RBM19: variants seen among roughly 807,000 people sequenced by gnomAD.
RBM19 encodes RNA binding motif protein 19, also known as probable RNA-binding protein 19.
Under a neutral mutation model 116.8 loss-of-function variants are expected in RBM19, and 94 were observed. The observed-to-expected ratio is 0.80, with a 90% CI of 0.68 to 0.95. The LOEUF is 0.95. Ranked by LOEUF, RBM19 falls within the 40% of genes least tolerant of loss-of-function variation. The pLI is 0.00. For missense variants in RBM19, 1,161 were observed against 1,220.7 expected (o/e 0.95, Z 0.73); for synonymous variants, 475 against 494.1 (o/e 0.96, Z 0.51).
intron 6 of RBM19, 145 bp downstream of exon 6, chr12:113,957,637 C>T (rs4767173): frequency 0.53 from 658,223 of 1,245,672 alleles, 177,536 homozygotes; most frequent in East Asian, 0.85. Flanking sequence ...GGCGAGCAAG[C>T]GGCAGGGCCA....
At chr12:113,824,283 C>T (rs941502972) in intron 23 of RBM19, among the ~76,000 whole-genome samples, 2 of 152,194 alleles carry the variant, frequency 1.3e-5, no homozygotes, top group Non-Finnish European at 2.9e-5. Context: ...ACCCCAGTCA[C>T]ACCTAAGCCC....
chr12:113,939,715 A>C (rs549901096), intron 15 of RBM19, among the ~76,000 whole-genome samples: 2 of 150,964 alleles, frequency 1.3e-5, no homozygotes, highest in Non-Finnish European at 2.9e-5. Flanking sequence ...GCGCCACTGC[A>C]CTCCAGCCTG....
At chr12:113,901,253 G>C (rs1881666546) in intron 21 of RBM19, among the ~76,000 whole-genome samples, 1 of 152,102 alleles carries the variant, frequency 6.6e-6, no homozygotes, top group Non-Finnish European at 1.5e-5. Flanking sequence ...TGTATAAATT[G>C]TCTATATGGA....
At chr12:113,943,618 G>A (rs1322670976) in intron 13 of RBM19, among the ~76,000 whole-genome samples, 1 of 152,088 alleles carries the variant, frequency 6.6e-6, no homozygotes, top group Non-Finnish European at 1.5e-5. Flanking sequence ...TCAGGAGTTC[G>A]AGACCAGCCT....
chr12:113,846,918 GC>G (rs1877034152), intron 22 of RBM19, among the ~76,000 whole-genome samples: 1 of 152,086 alleles, frequency 6.6e-6, no homozygotes, highest in Non-Finnish European at 1.5e-5. Context: ...TCCCTACATT[GC>G]CCAGGCTGGT....
At chr12:113,965,777 A>C (rs16943528) in intron 1 of RBM19, among the ~76,000 whole-genome samples, 6,475 of 152,250 alleles carry the variant, frequency 0.043, 340 homozygotes, top group Admixed American at 0.15. Context: ...ATTGGAACGC[A>C]GGTCCGCAGA....
intron 16 of RBM19, among the ~76,000 whole-genome samples, chr12:113,934,565 C>T (rs957474734): frequency 2.6e-5 from 4 of 152,152 alleles, no homozygotes; most frequent in Admixed American, 2.0e-4. Flanking sequence ...AGGATACTGC[C>T]GTGAGCAAGG....
intron 23 of RBM19, among the ~76,000 whole-genome samples, chr12:113,837,849 AT>A (rs551315262): frequency 5.8e-4 from 88 of 152,306 alleles, no homozygotes; most frequent in African/African-American, 1.5e-3. Flanking sequence ...ATTCTTGGAA[AT>A]CTCACAACTT....
intron 22 of RBM19, among the ~76,000 whole-genome samples, chr12:113,856,651 T>C (rs1010235863): frequency 3.9e-5 from 6 of 152,160 alleles, no homozygotes; most frequent in African/African-American, 1.4e-4. Context: ...AAATTTAAGG[T>C]TGACATCACA....
intron 22 of RBM19, among the ~76,000 whole-genome samples, chr12:113,858,343 G>A (rs764290614): frequency 6.6e-6 from 1 of 152,212 alleles, no homozygotes; most frequent in Non-Finnish European, 1.5e-5. Flanking sequence ...CCCTGGCCAT[G>A]AGCGGAAAAA....
chr12:113,959,312 C>T lies in RBM19; in HGVS notation c.471G>A (p.Glu157=). ...CCGGCTTGCTCTTCCCTTTCGAGGG[C>T]TCAGCATCCAGGCCATCATTCGCCC... is the stretch of plus-strand genomic sequence containing the variant. The part of the protein sequence containing the change: ...ATWANDGLDA[E]PSKGKSKPAS... Residue 157 remains glutamate (E), a synonymous_variant, in exon 5 of 24, where the codon GAG becomes GAA. Transcript: ENST00000261741. 6.2e-7 allele frequency: 1 copy of T among 1,614,094 alleles called. No individual in the cohort carries two copies. Among genetic ancestry groups the T allele is most frequent in the Non-Finnish European group, 8.5e-7 (1 of 1,179,982 alleles).
rs749232898 is a variant in RBM19 at position 113,937,052 on chromosome 12, T to G, written c.2023A>C (p.Thr675Pro). The G allele has an allele frequency of 3.1e-6, 5 of 1,614,096 alleles. No homozygotes were observed. The highest frequency in any genetic ancestry group is 4.2e-6 in the Non-Finnish European group (5 of 1,180,002). Residue 675 changes from threonine (T) to proline (P), a missense_variant, in exon 16 of 24, where the codon ACA becomes CCA. Transcript: ENST00000261741. ...TAPQKKKLQDTPSEPMEKDPA... is the reference protein window; with the variant it reads ...TAPQKKKLQDPPSEPMEKDPA... ...TCCTTTTCCATGGGTTCTGAAGGTG[T>G]GTCTTGGAGCTTTTTCTTCTGTGGG...
At chr12:113,855,504 C>T (rs553034840) in intron 22 of RBM19, among the ~76,000 whole-genome samples, 25 of 152,296 alleles carry the variant, frequency 1.6e-4, no homozygotes, top group Admixed American at 2.0e-4. Context: ...TTATCTTCAT[C>T]GAGGGTGCCA....
At position 113,924,696 on chromosome 12, in the gene RBM19, C is replaced by T; in HGVS notation, c.2305+1G>A. ...CACTTTCCGAATTTCATGCGGAATA[C>T]CTGCTTTGTTCTTCTTCTTGGAGAT... On this transcript the variant is annotated splice_donor_variant, in intron 18 of 23. Transcript: ENST00000261741. LOFTEE classifies it high-confidence loss of function. The T allele has an allele frequency of 1.3e-6, 2 of 1,540,496 alleles. No individual in the cohort carries two copies. The highest frequency in any genetic ancestry group is 1.8e-6 in the Non-Finnish European group (2 of 1,113,168).
chr12:113,854,956 T>A (rs1877776300), intron 22 of RBM19, among the ~76,000 whole-genome samples: 1 of 152,230 alleles, frequency 6.6e-6, no homozygotes, highest in Non-Finnish European at 1.5e-5. Flanking sequence ...CTTGCTATTA[T>A]CATCAGTTGC....
intron 22 of RBM19, among the ~76,000 whole-genome samples, chr12:113,853,834 C>T (rs146404322): frequency 1.7e-3 from 257 of 152,318 alleles, no homozygotes; most frequent in Non-Finnish European, 3.1e-3. Context: ...CACTCCTCCT[C>T]TGGGGGCTGG....
chr12:113,933,638 T>C (rs768237739), intron 16 of RBM19, among the ~76,000 whole-genome samples: 1 of 152,054 alleles, frequency 6.6e-6, no homozygotes, highest in South Asian at 2.1e-4. Context: ...AAACCTACAA[T>C]GTAGACCCAG....
downstream of RBM19, chr12:113,818,265 A>T (rs1199173780): frequency 6.6e-6 from 1 of 151,382 alleles, no homozygotes; most frequent in Non-Finnish European, 1.5e-5. Flanking sequence ...ACACACAGAC[A>T]CAGCAATAGA....
chr12:113,891,787 G>T (rs944401349), intron 21 of RBM19, among the ~76,000 whole-genome samples: 4 of 152,230 alleles, frequency 2.6e-5, no homozygotes, highest in Non-Finnish European at 4.4e-5. Flanking sequence ...ACACGCCTCT[G>T]TTAAAGGGAC....
Sources: allele counts gnomAD v4.1 joint callset (sites outside exome capture counted in the v4.1 genomes callset), GRCh38; gene constraint gnomAD v4.1.1; transcripts MANE v1.5; gene names NCBI Gene and HGNC (gene_info 2026-07-23, HGNC 2026-07-21).